Variants in SUPT3H observed in about 807,000 individuals in gnomAD.
SUPT3H encodes the protein transcription initiation protein SPT3 homolog.
In SUPT3H, 44 loss-of-function variants were observed where a neutral mutation model predicts 44.3. The observed-to-expected ratio is 0.99, with a 90% CI of 0.78 to 1.28. The LOEUF (loss-of-function observed/expected upper bound fraction) is 1.28, where lower values mean the gene tolerates loss of function less well. SUPT3H is among the 50% of genes most tolerant of loss of function. The pLI is 0.00. For synonymous variants in SUPT3H, 124 were observed against 125.6 expected (o/e 0.99, Z 0.09); for missense variants, 380 against 387.1 (o/e 0.98, Z 0.15).
chr6:44,992,164 G>C (rs527599064), intron 6 of SUPT3H, among the ~76,000 whole-genome samples: 6 of 152,260 alleles, frequency 3.9e-5, no homozygotes, highest in African/African-American at 1.2e-4. Context: ...TTACAAACAA[G>C]CTAGAAGACT....
At chr6:45,083,352 C>T (rs557586400) in intron 3 of SUPT3H, among the ~76,000 whole-genome samples, 31 of 151,904 alleles carry the variant, frequency 2.0e-4, no homozygotes, top group East Asian at 1.4e-3. Flanking sequence ...CCACCACACC[C>T]GGCTAATTTT....
intron 3 of SUPT3H, among the ~76,000 whole-genome samples, chr6:45,057,578 G>A (rs553402302): frequency 5.6e-4 from 85 of 152,242 alleles, no homozygotes; most frequent in South Asian, 5.4e-3. Context: ...ACCTTGAGGA[G>A]GACTCAGAGT....
chr6:45,069,989 G>C (rs916612441), intron 3 of SUPT3H, among the ~76,000 whole-genome samples: 1 of 152,116 alleles, frequency 6.6e-6, no homozygotes, highest in African/African-American at 2.4e-5. Context: ...CTTCAGCAAA[G>C]GTGTGCAACA....
chr6:45,322,961 G>A (rs1451206591), intron 2 of SUPT3H: 2 of 1,605,870 alleles, frequency 1.2e-6, no homozygotes, highest in Non-Finnish European at 8.5e-7. Flanking sequence ...TTATTGATAA[G>A]CAGTTTCTAA....
intron 2 of SUPT3H, among the ~76,000 whole-genome samples, chr6:45,248,871 C>T (rs541312771): frequency 5.6e-4 from 85 of 150,454 alleles, no homozygotes; most frequent in Middle Eastern, 6.8e-3. Context: ...GCTGAAATCA[C>T]GCCACTGCAC....
intron 2 of SUPT3H, among the ~76,000 whole-genome samples, chr6:45,175,089 AGATT>A (rs1401443987): frequency 1.3e-5 from 2 of 151,660 alleles, no homozygotes; most frequent in African/African-American, 4.8e-5. Context: ...GCTGAATACT[AGATT>A]GTTATTTACT....
At chr6:45,037,533 G>A (rs530966573) in intron 3 of SUPT3H, among the ~76,000 whole-genome samples, 2 of 151,338 alleles carry the variant, frequency 1.3e-5, no homozygotes, top group African/African-American at 4.8e-5. Flanking sequence ...GTGTTGTGAT[G>A]CATTCCTGTA....
chr6:45,107,621 T>C (rs140861365), intron 2 of SUPT3H, among the ~76,000 whole-genome samples: 16 of 152,322 alleles, frequency 1.1e-4, no homozygotes, highest in Admixed American at 2.0e-4. Context: ...TTTAAAGTGA[T>C]TTATATTGAT....
chr6:45,153,144 C>T (rs991333084), intron 2 of SUPT3H, among the ~76,000 whole-genome samples: 2 of 152,176 alleles, frequency 1.3e-5, no homozygotes, highest in Non-Finnish European at 2.9e-5. Flanking sequence ...ATATCAGCTT[C>T]TATCATATTC....
rs764815982 is a variant in SUPT3H at position 45,020,565 on chromosome 6, A to G, written c.254T>C (p.Phe85Ser). Reference sequence around the variant, plus strand: ...TATTACCTTATCTTTGCGCATCAAAAACAGAAGATCTTCAGGAGTGATTAC... The same window carrying G: ...TATTACCTTATCTTTGCGCATCAAAGACAGAAGATCTTCAGGAGTGATTAC... Reference protein sequence around the residue: ...ARVITPEDLLFLMRKDKKKLR... With the variant: ...ARVITPEDLLSLMRKDKKKLR... Residue 85 changes from phenylalanine to serine, a missense_variant, in exon 4 of 11, where the codon TTT (phenylalanine) becomes TCT (serine). Physicochemically the swap from Phe to Ser is radical, Grantham distance 155. Coordinates refer to ENST00000371459, the MANE Select transcript of SUPT3H (RefSeq NM_003599.4). 21 of 1,611,380 alleles carry G rather than the reference A, an allele frequency of 1.3e-5. No individual in the cohort carries two copies. The highest frequency in any genetic ancestry group is 1.7e-5 in the Non-Finnish European group (20 of 1,178,298).
intron 2 of SUPT3H, among the ~76,000 whole-genome samples, chr6:45,202,717 AC>A (rs1452672209): frequency 6.6e-6 from 1 of 152,110 alleles, no homozygotes; most frequent in African/African-American, 2.4e-5. Flanking sequence ...CCTAGAACGG[AC>A]AAAAAATGTT....
At chr6:45,357,174 T>C (rs1390193896) in intron 2 of SUPT3H, among the ~76,000 whole-genome samples, 1 of 151,762 alleles carries the variant, frequency 6.6e-6, no homozygotes, top group Non-Finnish European at 1.5e-5. Flanking sequence ...GCCTGGCTAA[T>C]TTTTTTGTAT....
At chr6:45,346,666 C>A (rs888963468) in intron 2 of SUPT3H, among the ~76,000 whole-genome samples, 9 of 150,754 alleles carry the variant, frequency 6.0e-5, no homozygotes, top group African/African-American at 2.2e-4. Flanking sequence ...CTCCTGGGTT[C>A]AAGCAATTCT....
At chr6:44,843,055 A>G (rs750573316) in intron 10 of SUPT3H, among the ~76,000 whole-genome samples, 8 of 152,334 alleles carry the variant, frequency 5.3e-5, no homozygotes, top group Non-Finnish European at 7.3e-5. Flanking sequence ...AAATTTTAGA[A>G]ATAGTAAAAA....
At chr6:45,246,480 C>T (rs1188908338) in intron 2 of SUPT3H, among the ~76,000 whole-genome samples, 3 of 152,072 alleles carry the variant, frequency 2.0e-5, no homozygotes, top group Non-Finnish European at 2.9e-5. Flanking sequence ...CAACTTTGCA[C>T]TAAGTTAAAA....
chr6:45,255,221 T>G (rs1773147914), intron 2 of SUPT3H, among the ~76,000 whole-genome samples: 1 of 152,146 alleles, frequency 6.6e-6, no homozygotes, highest in Admixed American at 6.5e-5. Context: ...ATTTCAGGCA[T>G]GCACTAAGGG....
At chr6:44,884,331 G>C (rs1778767713) in intron 10 of SUPT3H, among the ~76,000 whole-genome samples, 1 of 152,110 alleles carries the variant, frequency 6.6e-6, no homozygotes, top group Admixed American at 6.6e-5. Flanking sequence ...TTAGAATGGT[G>C]ATCATTAAAA....
intron 10 of SUPT3H, among the ~76,000 whole-genome samples, chr6:44,887,657 G>A (rs1366212798): frequency 6.6e-6 from 1 of 151,524 alleles, no homozygotes; most frequent in African/African-American, 2.4e-5. Flanking sequence ...ATGCCCACAA[G>A]AGAAAGCAGG....
At position 45,257,996 on chromosome 6, in the gene SUPT3H, A is replaced by T. The variant is rs118134084; in HGVS notation, c.101+107205T>A. On this transcript the variant is annotated intron_variant, in intron 2 of 10. Coordinates refer to ENST00000371459, the MANE Select transcript of SUPT3H (RefSeq NM_003599.4). Reference sequence around the variant, plus strand: ...GATATTTCCATTTACGAAACATAATAATTCTCGATCACGGAAAACCTCAAA... The same window carrying T: ...GATATTTCCATTTACGAAACATAATTATTCTCGATCACGGAAAACCTCAAA... 4.1e-4 allele frequency among the ~76,000 whole-genome samples: 62 copies of T among 152,342 alleles called. No homozygotes were observed. In the East Asian group the frequency reaches 0.012, roughly 29 times the overall value.
Sources: allele counts gnomAD v4.1 joint callset (sites outside exome capture counted in the v4.1 genomes callset), GRCh38; gene constraint gnomAD v4.1.1; transcripts MANE v1.5; gene names NCBI Gene and HGNC (gene_info 2026-07-23, HGNC 2026-07-21).